Variants in CTNNA2 observed in about 807,000 individuals in gnomAD.
The protein encoded by CTNNA2 is catenin alpha 2, also known as catenin alpha-2.
A neutral mutation model predicts 101.0 loss-of-function variants in CTNNA2; 42 were observed. The observed-to-expected ratio is 0.42, with a 90% CI of 0.32 to 0.54. The LOEUF (loss-of-function observed/expected upper bound fraction) is 0.54, where lower values mean the gene tolerates loss of function less well. Ranked by LOEUF, CTNNA2 falls within the 20% of genes least tolerant of loss-of-function variation. The pLI is 0.14. For missense variants in CTNNA2, 871 were observed against 1,223.1 expected, an observed-to-expected ratio of 0.71 and a Z score of 4.29; for synonymous variants, 450 against 456.4, an observed-to-expected ratio of 0.99 and a Z score of 0.18.
chr2:80,183,119 G>T (rs1295081597), intron 7 of CTNNA2, among the ~76,000 whole-genome samples: 1 of 151,994 alleles, frequency 6.6e-6, no homozygotes, highest in East Asian at 1.9e-4. Context: ...TGGAAATTCT[G>T]CCTGCTTCCC....
At chr2:80,429,300 C>G (rs1395660983) in intron 9 of CTNNA2, among the ~76,000 whole-genome samples, 3 of 152,094 alleles carry the variant, frequency 2.0e-5, no homozygotes, top group Non-Finnish European at 4.4e-5. Context: ...TTCTGACAAC[C>G]TTATGAAGTA....
chr2:79,717,601 C>T (rs1686191046), intron 2 of CTNNA2, among the ~76,000 whole-genome samples: 1 of 152,200 alleles, frequency 6.6e-6, no homozygotes, highest in Non-Finnish European at 1.5e-5. Context: ...ATCTAAACAG[C>T]AGTGTCTGCT....
chr2:79,487,732 A>G lies in CTNNA2; in HGVS notation c.-134-17322A>G, dbSNP rs78434040. On this transcript the variant is annotated intron_variant, in intron 4 of 21. Coordinates refer to the CTNNA2 transcript ENST00000466387. ...TCCTCACATCTCACTACCACTGCAT[A>G]GACAAATTCTGAGTGAGAACTACCC... 0.011 allele frequency among the ~76,000 whole-genome samples: 1,714 copies of G among 152,304 alleles called. 80 individuals are homozygous for G. In the East Asian group the frequency reaches 0.13, roughly 12 times the overall value.
At chr2:79,585,872 G>A (rs1303637363) in intron 1 of CTNNA2, among the ~76,000 whole-genome samples, 1 of 152,092 alleles carries the variant, frequency 6.6e-6, no homozygotes, top group African/African-American at 2.4e-5. Flanking sequence ...TGTTTCCGGG[G>A]TGTGAGCTCA....
chr2:80,387,171 C>T (rs1221742589), intron 7 of CTNNA2, among the ~76,000 whole-genome samples: 1 of 152,082 alleles, frequency 6.6e-6, no homozygotes, highest in Non-Finnish European at 1.5e-5. Context: ...CACCTGTAGT[C>T]CCAGCTACTC....
At chr2:80,055,126 C>T (rs1697134892) in intron 7 of CTNNA2, among the ~76,000 whole-genome samples, 1 of 152,034 alleles carries the variant, frequency 6.6e-6, no homozygotes. Context: ...ACTCTGGACT[C>T]AAGGGATCCT....
At chr2:79,657,329 A>G (rs1681683576) in intron 2 of CTNNA2, among the ~76,000 whole-genome samples, 1 of 151,910 alleles carries the variant, frequency 6.6e-6, no homozygotes, top group Admixed American at 6.6e-5. Context: ...GTGATGAAGC[A>G]TGAACATCTA....
At chr2:80,198,689 A>G (rs1707001119) in intron 7 of CTNNA2, among the ~76,000 whole-genome samples, 1 of 152,120 alleles carries the variant, frequency 6.6e-6, no homozygotes, top group Non-Finnish European at 1.5e-5. Flanking sequence ...AATATGAAAC[A>G]CCATTCATTG....
chr2:80,026,535 G>T (rs1197298750), intron 7 of CTNNA2, among the ~76,000 whole-genome samples: 1 of 152,206 alleles, frequency 6.6e-6, no homozygotes, highest in Non-Finnish European at 1.5e-5. Context: ...CAGCAAAAGA[G>T]TTAAGAGATA....
chr2:79,408,957 A>AC (rs35144857), intron 4 of CTNNA2, among the ~76,000 whole-genome samples: 49,425 of 147,640 alleles, frequency 0.33, 8,431 homozygotes, highest in South Asian at 0.45. Flanking sequence ...CCTCTCCAGC[A>AC]CTGTTGTTTC....
At chr2:79,230,734 A>AT (rs1328935369) in intron 2 of CTNNA2, among the ~76,000 whole-genome samples, 1 of 152,206 alleles carries the variant, frequency 6.6e-6, no homozygotes, top group Non-Finnish European at 1.5e-5. Flanking sequence ...CTAGCCCATG[A>AT]AAGCAGCCAA....
intron 3 of CTNNA2, among the ~76,000 whole-genome samples, chr2:79,372,737 G>C (rs938452760): frequency 6.6e-6 from 1 of 152,118 alleles, no homozygotes; most frequent in African/African-American, 2.4e-5. Flanking sequence ...AGATCGACAA[G>C]AACAGTTATT....
chr2:79,325,261 A>G (rs1676720014), intron 3 of CTNNA2, among the ~76,000 whole-genome samples: 1 of 152,188 alleles, frequency 6.6e-6, no homozygotes, highest in Non-Finnish European at 1.5e-5. Flanking sequence ...CAGATCTTAT[A>G]GGCGATGGGA....
chr2:79,544,213 C>T (rs1573302659), intron 1 of CTNNA2, among the ~76,000 whole-genome samples: 1 of 152,306 alleles, frequency 6.6e-6, no homozygotes, highest in African/African-American at 2.4e-5. Context: ...GCTGTGATTA[C>T]AGGCATGAGC....
chr2:79,456,180 T>C (rs961145708), intron 4 of CTNNA2, among the ~76,000 whole-genome samples: 4 of 151,018 alleles, frequency 2.6e-5, no homozygotes, highest in African/African-American at 7.3e-5. Flanking sequence ...TTTAAACTAT[T>C]GAATTATAAA....
chr2:80,395,787 C>T (rs1559074197), intron 8 of CTNNA2, among the ~76,000 whole-genome samples: 1 of 152,178 alleles, frequency 6.6e-6, no homozygotes, highest in Admixed American at 6.5e-5. Flanking sequence ...AAAGAGATCC[C>T]TCAGTGATCA....
At chr2:80,415,496 A>T (rs1209443622) in intron 8 of CTNNA2, among the ~76,000 whole-genome samples, 1 of 152,002 alleles carries the variant, frequency 6.6e-6, no homozygotes, top group African/African-American at 2.4e-5. Context: ...AGTCTTTTTC[A>T]TTAGACAGAA....
At chr2:79,876,695 C>G (rs1201456363) in intron 6 of CTNNA2, among the ~76,000 whole-genome samples, 1 of 152,126 alleles carries the variant, frequency 6.6e-6, no homozygotes, top group Non-Finnish European at 1.5e-5. Context: ...CACCTTTTAT[C>G]CCCAATTAAT....
intron 3 of CTNNA2, among the ~76,000 whole-genome samples, chr2:79,340,556 G>T (rs760430772): frequency 6.6e-6 from 1 of 152,146 alleles, no homozygotes; most frequent in South Asian, 2.1e-4. Context: ...ACATGAGGCC[G>T]GGCGTGGTGG....
Sources: gnomAD v4.1 joint callset for allele counts (sites outside exome capture counted in the v4.1 genomes callset) on GRCh38, gnomAD v4.1.1 for gene constraint, MANE v1.5 for transcripts, NCBI Gene and HGNC (gene_info 2026-07-23, HGNC 2026-07-21) for gene names.